The following RRH variants were observed in gnomAD, a reference collection of about 807,000 sequenced individuals.
RRH encodes retinal pigment epithelium-derived rhodopsin homolog, also known as visual pigment-like receptor peropsin.
RRH carries 36 observed loss-of-function variants against 33.1 expected under a neutral mutation model. The observed-to-expected ratio is 1.09, with a 90% CI of 0.83 to 1.44. The LOEUF is 1.44. Ranked by LOEUF, RRH falls within the 40% of genes most tolerant of loss-of-function variation. The pLI is 0.00. For missense variants in RRH, 393 were observed against 420.2 expected (o/e 0.94, Z 0.57); for synonymous variants, 124 against 140.2 (o/e 0.88, Z 0.82).
At chr4:109,842,324 A>G (rs10011949) in intron 5 of RRH, 145 bp from the exon 6 acceptor site, 13,185 of 765,612 alleles carry the variant, frequency 0.017, 859 homozygotes, top group African/African-American at 0.17. Context: ...TTGAAGGCAG[A>G]AAAAAAACTC....
At chr4:109,843,908 G>A (rs1382747155) in intron 6 of RRH, among the ~76,000 whole-genome samples, 175 bp from the exon 7 acceptor site, 2 of 152,112 alleles carry the variant, frequency 1.3e-5, no homozygotes, top group East Asian at 3.8e-4. Flanking sequence ...GGCTTTAACT[G>A]TACCATATAC....
chr4:109,833,009 G>A lies in RRH; in HGVS notation c.107-130G>A, dbSNP rs1242998518. On this transcript the variant is annotated intron_variant, in intron 1 of 6. Transcript: ENST00000317735. ...GTCACATACAGTTTTAAGAACAGCA[G>A]GAGCTCTTCAAATAAATGAACTAAA... 15 of 736,884 alleles carry A rather than the reference G, an allele frequency of 2.0e-5. No individual in the cohort carries two copies. In the Admixed American group the frequency reaches 3.2e-4, roughly 16 times the overall value. 45.6% of individuals were successfully genotyped at this position (736,884 alleles called of 1,614,324 possible). A position where few individuals can be genotyped will look rare whatever the true frequency, so the allele number is the denominator to read the frequency against.
intron 4 of RRH, among the ~76,000 whole-genome samples, chr4:109,837,036 G>A (rs111951961): frequency 2.6e-5 from 4 of 152,174 alleles, no homozygotes; most frequent in African/African-American, 7.2e-5. Context: ...ACAGTGAGAC[G>A]TGATTGCACC....
At chr4:109,843,993 G>T (rs1734031510) in intron 6 of RRH, 90 bp from the exon 7 acceptor site, 5 of 809,914 alleles carry the variant, frequency 6.2e-6, no homozygotes, top group Non-Finnish European at 1.1e-5. Flanking sequence ...ATGTAAATTG[G>T]CAGTAGTGGC....
At chr4:109,829,610 C>T (rs1484526901) in intron 1 of RRH, among the ~76,000 whole-genome samples, 2 of 152,114 alleles carry the variant, frequency 1.3e-5, no homozygotes, top group African/African-American at 4.8e-5. Context: ...AAACCTTACA[C>T]ATACAGAATA....
At chr4:109,842,387 G>A in intron 5 of RRH, 82 bp from the exon 6 acceptor site, 2 of 1,308,744 alleles carry the variant, frequency 1.5e-6, no homozygotes. Flanking sequence ...TTCCAACCCA[G>A]ATAGATTTTT....
At position 109,844,786 on chromosome 4, in the gene RRH, A is replaced by G. The variant is rs1160520770; in HGVS notation, c.*589A>G. Among the ~76,000 whole-genome samples the G allele has an allele frequency of 6.6e-6, 1 of 152,070 alleles. No individual in the cohort carries two copies. The highest frequency in any genetic ancestry group is 6.6e-5 in the Admixed American group (1 of 15,260). On this transcript the variant is annotated 3_prime_UTR_variant, in exon 7 of 7. Transcript: ENST00000317735. ...GATGTTTTCTGCAATTTTGAGTACC[A>G]TTTTTCTGCATATATATTCCATATA...
chr4:109,834,399 C>T (rs143303076), intron 2 of RRH, among the ~76,000 whole-genome samples: 6,155 of 150,282 alleles, frequency 0.041, 164 homozygotes, highest in Middle Eastern at 0.077. Flanking sequence ...GCGTGATCTC[C>T]GCTCACTGCA....
At chr4:109,835,204 C>A (rs1733853610) in intron 2 of RRH, among the ~76,000 whole-genome samples, 162 bp from the exon 3 acceptor site, 1 of 152,084 alleles carries the variant, frequency 6.6e-6, no homozygotes, top group African/African-American at 2.4e-5. Context: ...TCCATAAATT[C>A]TTTTATTAAA....
At chr4:109,831,352 A>G (rs1266025507) in intron 1 of RRH, among the ~76,000 whole-genome samples, 1 of 152,210 alleles carries the variant, frequency 6.6e-6, no homozygotes. Context: ...AAGGAATGAT[A>G]GAAATTAAGC....
At chr4:109,829,822 G>C (rs952975493) in intron 1 of RRH, among the ~76,000 whole-genome samples, 5 of 152,110 alleles carry the variant, frequency 3.3e-5, no homozygotes, top group African/African-American at 1.2e-4. Context: ...AGTGTGTGTT[G>C]TTTGTGTTTC....
chr4:109,830,337 A>G (rs1266957880), intron 1 of RRH, among the ~76,000 whole-genome samples: 3 of 152,194 alleles, frequency 2.0e-5, no homozygotes, highest in African/African-American at 7.2e-5. Context: ...TGGGAGTGAC[A>G]TGATCTGATT....
rs186688920 is a variant in RRH, at chr4:109,837,586, A to G, written c.701A>G (p.Asp234Gly). ...CTESLNRDWS[D>G]QIDVTKMSVI... The stretch of plus-strand genomic sequence containing the variant: ...GAGTCCCTCAACAGAGACTGGTCAG[A>G]TCAGATAGATGTAACAAAGGTAAGA... Residue 234 changes from aspartate to glycine, a missense_variant, in exon 5 of 7, where the codon GAT becomes GGT. By Grantham distance (94) the Asp-to-Gly change is moderately conservative. Coordinates refer to ENST00000317735, the MANE Select transcript of RRH (RefSeq NM_006583.5). 6.2e-7 allele frequency: 1 copy of G among 1,613,936 alleles called. No individual in the cohort carries two copies. The highest frequency in any genetic ancestry group is 1.7e-5 in the Admixed American group (1 of 60,016).
Position 109,830,534 on chromosome 4 carries a change from A to C in RRH, c.106+2401A>C, listed in dbSNP as rs146944069. On this transcript the variant is annotated intron_variant, in intron 1 of 6. Coordinates refer to ENST00000317735, the MANE Select transcript of RRH (RefSeq NM_006583.5). ...GAGAGAAGTATCAAAGATGATGCCT[A>C]GGTTTCTTTTTTGAGCCACTGAATA... Among the ~76,000 whole-genome samples, 736 of 152,206 alleles carry C rather than the reference A, an allele frequency of 4.8e-3. 6 individuals are homozygous for C. The highest frequency in any genetic ancestry group is 0.016 in the African/African-American group (663 of 41,534).
intron 2 of RRH, 132 bp from the exon 3 acceptor site, chr4:109,835,234 G>A (rs1733854145): frequency 1.5e-6 from 1 of 677,878 alleles, no homozygotes; most frequent in African/African-American, 1.8e-5. Flanking sequence ...ATTTGACAAT[G>A]AAGATGTATT....
intron 1 of RRH, among the ~76,000 whole-genome samples, chr4:109,830,580 G>T (rs1322590397): frequency 6.6e-6 from 1 of 152,118 alleles, no homozygotes; most frequent in Non-Finnish European, 1.5e-5. Context: ...CTCTTCATCA[G>T]ATGGGAACAC....
At chr4:109,828,564 C>A (rs184622663) in intron 1 of RRH, among the ~76,000 whole-genome samples, 181 of 151,502 alleles carry the variant, frequency 1.2e-3, no homozygotes, top group African/African-American at 3.3e-3. Context: ...TTATACATAA[C>A]CCTCATATTT....
rs149693508 is a variant in RRH at position 109,833,171 on chromosome 4, C to G, written c.139C>G (p.Leu47Val). 1.4e-5 allele frequency: 22 copies of G among 1,613,398 alleles called. No homozygotes were observed. Among genetic ancestry groups the G allele is most frequent in the Non-Finnish European group, 1.7e-5 (20 of 1,179,542 alleles). The change falls in exon 2 of 7, where the codon CTG (leucine) becomes GTG (valine). Residue 47 changes from leucine (L) to valine (V), a missense_variant. Transcript: ENST00000317735. ...MISIISNIIV[L>V]GIFIKYKELR... ...AAGTATTATCAGCAACATAATAGTT[C>G]TGGGCATCTTCATTAAGTACAAGGA...
At chr4:109,839,119 G>A (rs552869125) in intron 5 of RRH, among the ~76,000 whole-genome samples, 1 of 150,192 alleles carries the variant, frequency 6.7e-6, no homozygotes, top group Non-Finnish European at 1.5e-5. Flanking sequence ...GTTTCTTTTT[G>A]TTTCTACTTT....
Sources: allele counts gnomAD v4.1 joint callset (sites outside exome capture counted in the v4.1 genomes callset), GRCh38; gene constraint gnomAD v4.1.1; transcripts MANE v1.5; gene names NCBI Gene and HGNC (gene_info 2026-07-23, HGNC 2026-07-21).